The following PPM1H variants were observed in gnomAD, a reference collection of about 807,000 sequenced individuals.
The protein encoded by PPM1H is protein phosphatase, Mg2+/Mn2+ dependent 1H, also known as protein phosphatase 1H.
In PPM1H, 27 loss-of-function variants were observed where a neutral mutation model predicts 54.9. The ratio of observed to expected loss-of-function variants is 0.49; its 90% CI spans 0.36 to 0.68. The LOEUF is 0.68. PPM1H is among the 30% of genes least tolerant of loss of function. The pLI is 0.00. For missense variants in PPM1H, 596 were observed against 667.8 expected, an observed-to-expected ratio of 0.89 and a Z score of 1.19; for synonymous variants, 305 against 270.8, an observed-to-expected ratio of 1.13 and a Z score of -1.24.
chr12:62,755,970 G>T (rs2076472059), intron 4 of PPM1H: 6 of 1,091,522 alleles, frequency 5.5e-6, no homozygotes, highest in Admixed American at 3.7e-5. Context: ...CTGAACTGCT[G>T]TCTGGAAAAA....
At chr12:62,823,237 T>G (rs2076915276) in intron 2 of PPM1H, among the ~76,000 whole-genome samples, 1 of 152,134 alleles carries the variant, frequency 6.6e-6, no homozygotes, top group African/African-American at 2.4e-5. Flanking sequence ...GGCTCTGAAA[T>G]TGAGGCAATA....
chr12:62,793,283 C>A (rs2076710725), intron 3 of PPM1H, among the ~76,000 whole-genome samples: 1 of 152,122 alleles, frequency 6.6e-6, no homozygotes, highest in African/African-American at 2.4e-5. Context: ...GGGCAACTTT[C>A]TAGGTAGCAG....
At chr12:62,729,317 G>A (rs2076307270) in intron 5 of PPM1H, among the ~76,000 whole-genome samples, 1 of 152,232 alleles carries the variant, frequency 6.6e-6, no homozygotes, top group Non-Finnish European at 1.5e-5. Context: ...AGGCAGGGAA[G>A]TGGGAGAGAG....
Position 62,645,099 on chromosome 12 carries a change from T to TCAAAGA in PPM1H, c.*3384_*3389dup, listed in dbSNP as rs573031654. ...GGATCTCAAGAGGAGAATCCGAATT[T>TCAAAGA]CAAAGACATGGGAGATTTGTCCCTA... On this transcript the variant is annotated 3_prime_UTR_variant, in exon 10 of 10. Coordinates refer to ENST00000228705, the MANE Select transcript of PPM1H (RefSeq NM_020700.2). 374 of 152,308 alleles carry TCAAAGA rather than the reference T, an allele frequency of 2.5e-3. 2 individuals are homozygous for TCAAAGA. Among genetic ancestry groups the TCAAAGA allele is most frequent in the African/African-American group, 8.7e-3 (363 of 41,570 alleles). 9.4% of individuals were successfully genotyped at this position (152,308 alleles called of 1,614,324 possible).
intron 2 of PPM1H, among the ~76,000 whole-genome samples, chr12:62,817,335 G>A (rs1365619316): frequency 3.3e-5 from 5 of 151,176 alleles, no homozygotes; most frequent in African/African-American, 1.2e-4. Context: ...GGTGGCGGGC[G>A]CCTGTAGTCC....
chr12:62,830,444 A>T (rs897420814), intron 2 of PPM1H, among the ~76,000 whole-genome samples: 2 of 151,964 alleles, frequency 1.3e-5, no homozygotes, highest in Non-Finnish European at 2.9e-5. Context: ...TTTAGTAGAG[A>T]CAGGGTGTCA....
Position 62,934,584 on chromosome 12 carries a change from C to G in PPM1H, c.153G>C (p.Gln51His). 2 of 1,564,684 alleles carry G rather than the reference C, an allele frequency of 1.3e-6. No individual in the cohort carries two copies. Among genetic ancestry groups the G allele is most frequent in the South Asian group, 2.3e-5 (2 of 85,132 alleles). Residue 51 changes from glutamine (Q) to histidine (H), a missense_variant, in exon 1 of 10, where the codon CAG becomes CAC. Physicochemically the swap from Gln to His is conservative, Grantham distance 24 (BLOSUM62 0). Coordinates refer to ENST00000228705, the MANE Select transcript of PPM1H (RefSeq NM_020700.2). The surrounding 1 kb of genome is among the most constrained non-coding windows in gnomAD (Gnocchi z 4.2). ...GGTCGGCGCTGCACTCCACCTCGTCCTGAGACAGCCCCAGGAACTCTGGCC... is the reference window on the plus strand; with the variant it reads ...GGTCGGCGCTGCACTCCACCTCGTCGTGAGACAGCCCCAGGAACTCTGGCC... The part of the protein sequence containing the change: ...YGRPEFLGLS[Q>H]DEVECSADHI...
intron 1 of PPM1H, among the ~76,000 whole-genome samples, chr12:62,900,463 C>T (rs1242859267): frequency 6.6e-6 from 1 of 151,392 alleles, no homozygotes; most frequent in Non-Finnish European, 1.5e-5. Flanking sequence ...TGCAGCACAC[C>T]GACATGGCAC....
At chr12:62,750,413 T>A (rs894271688) in intron 4 of PPM1H, among the ~76,000 whole-genome samples, 3 of 152,264 alleles carry the variant, frequency 2.0e-5, no homozygotes, top group African/African-American at 7.2e-5. Context: ...GCTAAACAGA[T>A]GTTTTCAAGG....
intron 2 of PPM1H, among the ~76,000 whole-genome samples, chr12:62,824,369 A>G (rs1442247501): frequency 6.6e-6 from 1 of 152,220 alleles, no homozygotes; most frequent in Non-Finnish European, 1.5e-5. Context: ...CAAGCTATCA[A>G]TGACTTTCTT....
chr12:62,774,445 G>A (rs2076597908), intron 4 of PPM1H, among the ~76,000 whole-genome samples: 1 of 152,094 alleles, frequency 6.6e-6, no homozygotes, highest in African/African-American at 2.4e-5. Flanking sequence ...GGGCTCAAGC[G>A]ATCCTCCCAC....
chr12:62,896,800 CAT>C (rs990574613), intron 1 of PPM1H, among the ~76,000 whole-genome samples: 5 of 152,144 alleles, frequency 3.3e-5, no homozygotes, highest in Admixed American at 2.0e-4. Context: ...CACATGCTCA[CAT>C]ATGTTTATTG....
At chr12:62,917,878 A>C (rs534722874) in intron 1 of PPM1H, among the ~76,000 whole-genome samples, 1 of 152,256 alleles carries the variant, frequency 6.6e-6, no homozygotes, top group African/African-American at 2.4e-5. Flanking sequence ...GTGCTGTTAG[A>C]TTTAGACATT....
intron 1 of PPM1H, among the ~76,000 whole-genome samples, chr12:62,887,244 G>T (rs1365801971): frequency 6.6e-6 from 1 of 152,188 alleles, no homozygotes; most frequent in Non-Finnish European, 1.5e-5. Flanking sequence ...GAGTTGCATA[G>T]AGTGTGTCCA....
chr12:62,765,669 A>G (rs67454431), intron 4 of PPM1H, among the ~76,000 whole-genome samples: 2 of 152,080 alleles, frequency 1.3e-5, no homozygotes, highest in Non-Finnish European at 2.9e-5. Flanking sequence ...AAAGTGAAGC[A>G]AAAGAAATAG....
At position 62,759,867 on chromosome 12, in the gene PPM1H, G is replaced by C. The variant is rs1023891032; in HGVS notation, c.870-22281C>G. Among the ~76,000 whole-genome samples, 6 of 135,828 alleles carry C rather than the reference G, an allele frequency of 4.4e-5. No homozygotes were observed. In the East Asian group the frequency reaches 1.3e-3, roughly 30 times the overall value. The allele number at this position is 135,828 out of a possible 152,430, so 89.1% of individuals were successfully genotyped here. A position where few individuals can be genotyped will look rare whatever the true frequency, so the allele number is the denominator to read the frequency against. On this transcript the variant is annotated intron_variant, in intron 4 of 9. Transcript: ENST00000228705. ...CTGGGGGGCAAGCATCTCCCACCCTGTTTCCACTTTCCTGGGGGGCAAGCA... is the reference window on the plus strand; with the variant it reads ...CTGGGGGGCAAGCATCTCCCACCCTCTTTCCACTTTCCTGGGGGGCAAGCA...
At chr12:62,863,567 G>A (rs546911) in intron 1 of PPM1H, among the ~76,000 whole-genome samples, 20,461 of 152,106 alleles carry the variant, frequency 0.13, 1,573 homozygotes, top group East Asian at 0.37. Context: ...GAAAGCAAAT[G>A]TGTAGAGGCA....
intron 4 of PPM1H, among the ~76,000 whole-genome samples, chr12:62,757,696 A>G (rs1209360127): frequency 6.6e-6 from 1 of 152,094 alleles, no homozygotes; most frequent in East Asian, 1.9e-4. Flanking sequence ...CCATAACACC[A>G]CTCCAGAAAA....
chr12:62,734,203 C>T (rs992324807), intron 5 of PPM1H, among the ~76,000 whole-genome samples: 1 of 151,590 alleles, frequency 6.6e-6, no homozygotes, highest in Non-Finnish European at 1.5e-5. Context: ...AGAGCCCTCA[C>T]CAGACCTTGA....
Sources: allele counts gnomAD v4.1 joint callset (sites outside exome capture counted in the v4.1 genomes callset), GRCh38; gene constraint gnomAD v4.1.1; non-coding constraint Gnocchi (gnomAD v3.1); transcripts MANE v1.5; gene names NCBI Gene and HGNC (gene_info 2026-07-23, HGNC 2026-07-21).